GRID2: variants seen among roughly 807,000 people sequenced by gnomAD.
GRID2 encodes glutamate ionotropic receptor delta type subunit 2.
A neutral mutation model predicts 114.8 loss-of-function variants in GRID2; 33 were observed. That is an observed-to-expected ratio of 0.29 (90% CI 0.22 to 0.38). The LOEUF is 0.38. Among genes scored for constraint, GRID2 ranks in the 10% least tolerant of loss-of-function variants. The pLI, the probability that GRID2 is intolerant of heterozygous loss-of-function variation, is 1.00. For missense variants in GRID2, 1,184 were observed against 1,257.7 expected, an observed-to-expected ratio of 0.94 and a Z score of 0.89; for synonymous variants, 505 against 449.9, an observed-to-expected ratio of 1.12 and a Z score of -1.55.
At chr4:93,039,532 T>G (rs1434660490) in intron 2 of GRID2, among the ~76,000 whole-genome samples, 2 of 152,028 alleles carry the variant, frequency 1.3e-5, no homozygotes, top group East Asian at 3.9e-4. Flanking sequence ...TCTGTCCTCA[T>G]TAGTTGGAAT....
At chr4:93,581,479 A>C (rs779422861) in intron 13 of GRID2, among the ~76,000 whole-genome samples, 1 of 152,180 alleles carries the variant, frequency 6.6e-6, no homozygotes, top group Admixed American at 6.5e-5. Context: ...AAATATTTTA[A>C]ATTGATAATG....
chr4:92,663,417 G>A (rs997743702), intron 2 of GRID2, among the ~76,000 whole-genome samples: 1 of 151,038 alleles, frequency 6.6e-6, no homozygotes, highest in African/African-American at 2.4e-5. Context: ...AAGTAACTGG[G>A]AAATTCATTG....
intron 2 of GRID2, among the ~76,000 whole-genome samples, chr4:93,017,222 A>G (rs886676331): frequency 2.6e-5 from 4 of 152,172 alleles, no homozygotes; most frequent in African/African-American, 9.7e-5. Context: ...CTCAATAGCA[A>G]TTTTGCTCAT....
intron 1 of GRID2, among the ~76,000 whole-genome samples, chr4:92,427,423 G>T (rs185039941): frequency 6.6e-6 from 1 of 152,196 alleles, no homozygotes; most frequent in East Asian, 1.9e-4. Flanking sequence ...GGACTAAATT[G>T]CAACCCACAT....
intron 9 of GRID2, among the ~76,000 whole-genome samples, chr4:93,414,820 T>G (rs1767549959): frequency 6.6e-6 from 1 of 151,814 alleles, no homozygotes; most frequent in Non-Finnish European, 1.5e-5. Context: ...GTGCCTGGCA[T>G]TAACACTCTT....
At chr4:93,252,229 G>A (rs1389492206) in intron 8 of GRID2, among the ~76,000 whole-genome samples, 2 of 151,508 alleles carry the variant, frequency 1.3e-5, no homozygotes, top group Non-Finnish European at 2.9e-5. Context: ...TCCATCTTGG[G>A]TTGATTTTTG....
chr4:92,594,181 C>T (rs1301310206), intron 2 of GRID2, among the ~76,000 whole-genome samples: 1 of 151,726 alleles, frequency 6.6e-6, no homozygotes, highest in Non-Finnish European at 1.5e-5. Context: ...TATATATAGA[C>T]ACACATGAGA....
At chr4:93,238,623 G>A (rs1174414767) in intron 8 of GRID2, 133 bp downstream of exon 8, 9 of 531,720 alleles carry the variant, frequency 1.7e-5, no homozygotes, top group South Asian at 2.8e-5. Flanking sequence ...GGGGTGAGGG[G>A]AAATTAGGCA....
intron 2 of GRID2, among the ~76,000 whole-genome samples, chr4:92,939,526 T>A (rs985172646): frequency 6.8e-6 from 1 of 147,436 alleles, no homozygotes. Flanking sequence ...CCCTGTTCAC[T>A]CTGATAGTAG....
At chr4:92,769,642 T>C (rs1471157839) in intron 2 of GRID2, among the ~76,000 whole-genome samples, 1 of 152,202 alleles carries the variant, frequency 6.6e-6, no homozygotes, top group Non-Finnish European at 1.5e-5. Flanking sequence ...CCTCAAGTCT[T>C]GACTTCTGTG....
chr4:93,086,877 T>C (rs896058939), intron 3 of GRID2, among the ~76,000 whole-genome samples: 43 of 152,280 alleles, frequency 2.8e-4, no homozygotes, highest in African/African-American at 8.7e-4. Flanking sequence ...TTGTGGCCTT[T>C]ATAACTTAAA....
chr4:92,529,367 T>A (rs1285799965), intron 1 of GRID2, among the ~76,000 whole-genome samples: 1 of 151,916 alleles, frequency 6.6e-6, no homozygotes, highest in Non-Finnish European at 1.5e-5. Context: ...TAAAGGCTGT[T>A]TAAGGGAACA....
At chr4:92,751,910 C>T (rs574379437) in intron 2 of GRID2, among the ~76,000 whole-genome samples, 6 of 152,314 alleles carry the variant, frequency 3.9e-5, no homozygotes, top group South Asian at 2.1e-4. Flanking sequence ...CAAAGTAAGA[C>T]TTCAATAGCC....
Position 93,643,734 on chromosome 4 carries a change from C to T in GRID2, c.2360+17299C>T, listed in dbSNP as rs1415184942. On this transcript the variant is annotated intron_variant, in intron 14 of 15. Coordinates refer to ENST00000282020, the MANE Select transcript of GRID2 (RefSeq NM_001510.4). ...TCTTCAAAGCTGTCAGACAGGGACACTTAAGTCTGCAGAGGTTACTGCTGT... is the reference window on the plus strand; with the variant it reads ...TCTTCAAAGCTGTCAGACAGGGACATTTAAGTCTGCAGAGGTTACTGCTGT... 3.0e-4 allele frequency among the ~76,000 whole-genome samples: 16 copies of T among 53,018 alleles called. 2 individuals carry two copies. The highest frequency in any genetic ancestry group is 2.3e-3 in the South Asian group (3 of 1,314). The allele number at this position is 53,018 out of a possible 152,430, so 34.8% of individuals were successfully genotyped here. A position where few individuals can be genotyped will look rare whatever the true frequency, so the allele number is the denominator to read the frequency against.
At chr4:93,440,969 A>T (rs1464674327) in intron 10 of GRID2, among the ~76,000 whole-genome samples, 1 of 152,110 alleles carries the variant, frequency 6.6e-6, no homozygotes, top group Non-Finnish European at 1.5e-5. Context: ...GATACCATCC[A>T]GGAATGGCTC....
At chr4:92,904,083 A>G (rs1382572078) in intron 2 of GRID2, among the ~76,000 whole-genome samples, 2 of 151,802 alleles carry the variant, frequency 1.3e-5, no homozygotes, top group Admixed American at 6.6e-5. Flanking sequence ...TGGAATTGTC[A>G]CTAACCTCTC....
At chr4:93,605,268 C>T (rs1740111523) in intron 13 of GRID2, among the ~76,000 whole-genome samples, 1 of 152,068 alleles carries the variant, frequency 6.6e-6, no homozygotes, top group Non-Finnish European at 1.5e-5. Flanking sequence ...ATCATATTAG[C>T]CACATTTCAA....
intron 1 of GRID2, among the ~76,000 whole-genome samples, chr4:93,782,399 C>G (rs915427030): frequency 2.0e-5 from 3 of 152,130 alleles, no homozygotes; most frequent in Admixed American, 6.5e-5. Context: ...AATGAAAGAA[C>G]CATGGAATGA....
At chr4:93,624,137 A>T (rs1742470551) in intron 13 of GRID2, among the ~76,000 whole-genome samples, 1 of 152,080 alleles carries the variant, frequency 6.6e-6, no homozygotes, top group Non-Finnish European at 1.5e-5. Flanking sequence ...TCAAACTATC[A>T]TCTCATTAAT....
Sources: allele counts gnomAD v4.1 joint callset (sites outside exome capture counted in the v4.1 genomes callset), GRCh38; gene constraint gnomAD v4.1.1; transcripts MANE v1.5; gene names NCBI Gene and HGNC (gene_info 2026-07-23, HGNC 2026-07-21).